MAST4: variants seen among roughly 807,000 people sequenced by gnomAD.
MAST4 encodes microtubule associated serine/threonine kinase family member 4, also known as microtubule-associated serine/threonine-protein kinase 4.
In MAST4, 89 loss-of-function variants were observed where a neutral mutation model predicts 162.7. That is an observed-to-expected ratio of 0.55 (90% CI 0.46 to 0.65). MAST4 has a LOEUF of 0.65. Among genes scored for constraint, MAST4 ranks in the 30% least tolerant of loss-of-function variants. MAST4 has a pLI of 0.00. For missense variants in MAST4, 3,153 were observed against 3,374.0 expected (o/e 0.93, Z 1.62); for synonymous variants, 1,479 against 1,361.1 (o/e 1.09, Z -1.91).
chr5:66,726,962 C>A (rs529872228), intron 1 of MAST4, among the ~76,000 whole-genome samples: 1 of 151,908 alleles, frequency 6.6e-6, no homozygotes, highest in Non-Finnish European at 1.5e-5. Flanking sequence ...TTTAAGGGGA[C>A]CCATACAATA....
At chr5:66,877,212 G>A (rs1164918765) in intron 3 of MAST4, among the ~76,000 whole-genome samples, 2 of 152,180 alleles carry the variant, frequency 1.3e-5, no homozygotes, top group Non-Finnish European at 2.9e-5. Context: ...TATGATATAA[G>A]GGAGGCTTAA....
At chr5:66,797,747 G>A (rs1755721422) in intron 3 of MAST4, among the ~76,000 whole-genome samples, 1 of 152,186 alleles carries the variant, frequency 6.6e-6, no homozygotes, top group African/African-American at 2.4e-5. Context: ...TGAACTGAAT[G>A]TTAAACGTTG....
chr5:67,118,436 C>T (rs1423827285), intron 12 of MAST4, among the ~76,000 whole-genome samples: 1 of 152,134 alleles, frequency 6.6e-6, no homozygotes, highest in Admixed American at 6.5e-5. Flanking sequence ...GTTCCTATGC[C>T]CAGCCTCTAA....
Position 67,145,276 on chromosome 5 carries a change from C to T in MAST4, c.2991C>T (p.Pro997=), listed in dbSNP as rs1193550196. The T allele has an allele frequency of 2.5e-6, 4 of 1,613,940 alleles. No individual in the cohort carries two copies. In the Admixed American group the frequency reaches 6.7e-5, roughly 27 times the overall value. Residue 997 remains proline (P), a synonymous_variant, in exon 23 of 29, where the codon CCC becomes CCT. Coordinates refer to ENST00000403625, the MANE Select transcript of MAST4 (RefSeq NM_001164664.2). ...QDEAASCPGD[P]HEEPGKPALP... ...AAGCTGCCTCCTGCCCTGGAGACCC[C>T]CATGAGGAGCCAGGAAAGCCAGCCC...
intron 1 of MAST4, among the ~76,000 whole-genome samples, chr5:66,751,019 C>T (rs1383563888): frequency 6.6e-6 from 1 of 152,070 alleles, no homozygotes; most frequent in Admixed American, 6.5e-5. Context: ...CTGGGAGGCA[C>T]CCCCCAGCAG....
At chr5:66,930,623 C>T (rs999192167) in intron 4 of MAST4, 1 of 434,750 alleles carries the variant, frequency 2.3e-6, no homozygotes, top group Non-Finnish European at 4.7e-6. Flanking sequence ...TTTTTTATGT[C>T]TCAAGGAATA....
intron 23 of MAST4, among the ~76,000 whole-genome samples, chr5:67,145,761 C>T (rs1771008830): frequency 1.3e-5 from 2 of 152,148 alleles, no homozygotes; most frequent in South Asian, 4.1e-4. Context: ...GTGTAAGAGC[C>T]AGTATCAAGT....
At chr5:66,648,069 TGTGTGTGTGTGTGTGAGAGAGA>T (rs1745970737) in intron 1 of MAST4, among the ~76,000 whole-genome samples, 1 of 90,658 alleles carries the variant, frequency 1.1e-5, no homozygotes. Context: ...TGTGTGTGTG[TGTGTGTGTGTGTGTGAGAGAGA>T]GAGAGAGAGA....
At chr5:67,135,282 C>T (rs1164666640) in intron 18 of MAST4, among the ~76,000 whole-genome samples, 2 of 152,112 alleles carry the variant, frequency 1.3e-5, no homozygotes, top group African/African-American at 4.8e-5. Flanking sequence ...ACTTTTAGAT[C>T]TTAACCTGCA....
At chr5:66,910,137 C>T (rs976488331) in intron 4 of MAST4, among the ~76,000 whole-genome samples, 2 of 152,202 alleles carry the variant, frequency 1.3e-5, no homozygotes, top group African/African-American at 4.8e-5. Context: ...GTAGACCTCA[C>T]AGAGTTTGCT....
At chr5:66,861,917 G>A (rs989488782) in intron 3 of MAST4, among the ~76,000 whole-genome samples, 2 of 152,198 alleles carry the variant, frequency 1.3e-5, no homozygotes, top group African/African-American at 4.8e-5. Flanking sequence ...TGATTGGTGT[G>A]TATGTGGGCT....
chr5:66,896,964 C>T (rs1643232123), intron 3 of MAST4, among the ~76,000 whole-genome samples: 1 of 152,090 alleles, frequency 6.6e-6, no homozygotes, highest in South Asian at 2.1e-4. Context: ...CAAATATTTG[C>T]TAGTTAACAC....
At chr5:66,647,163 A>G (rs541068978) in intron 1 of MAST4, among the ~76,000 whole-genome samples, 2 of 152,216 alleles carry the variant, frequency 1.3e-5, no homozygotes, top group East Asian at 3.9e-4. Flanking sequence ...CTGTGTCCCC[A>G]TTCTCTCCTA....
intron 3 of MAST4, among the ~76,000 whole-genome samples, chr5:66,892,933 A>C (rs935083363): frequency 6.6e-6 from 1 of 152,188 alleles, no homozygotes; most frequent in Non-Finnish European, 1.5e-5. Flanking sequence ...GTTTATGATA[A>C]AATCTTAATA....
intron 3 of MAST4, among the ~76,000 whole-genome samples, chr5:66,890,312 CTT>C (rs1762288398): frequency 6.6e-6 from 1 of 152,152 alleles, no homozygotes; most frequent in Admixed American, 6.5e-5. Context: ...AGCATGTAAA[CTT>C]TGACTTAGGA....
At chr5:66,993,925 C>CA (rs1750325524) in intron 4 of MAST4, among the ~76,000 whole-genome samples, 1 of 72,796 alleles carries the variant, frequency 1.4e-5, no homozygotes, top group African/African-American at 5.3e-5. Flanking sequence ...AGAAGACCCC[C>CA]CCCCCCACCC....
At chr5:67,160,694 G>A (rs751320008) in intron 27 of MAST4, 102 bp downstream of exon 27, 1 of 1,320,300 alleles carries the variant, frequency 7.6e-7, no homozygotes, top group East Asian at 2.4e-5. Flanking sequence ...CTATTTTTCT[G>A]TGAGAAATTT....
intron 1 of MAST4, among the ~76,000 whole-genome samples, chr5:66,641,924 G>A (rs754739346): frequency 9.2e-5 from 14 of 152,170 alleles, no homozygotes; most frequent in Non-Finnish European, 1.6e-4. Flanking sequence ...CTTTCCAGTC[G>A]GAATTGCACC....
chr5:67,078,831 T>TATATAA (rs1762067010), intron 5 of MAST4, among the ~76,000 whole-genome samples: 1 of 123,616 alleles, frequency 8.1e-6, no homozygotes, highest in Non-Finnish European at 1.6e-5. Context: ...TATTTATATT[T>TATATAA]ATATATTTAA....
Sources: gnomAD v4.1 joint callset for allele counts (sites outside exome capture counted in the v4.1 genomes callset) on GRCh38, gnomAD v4.1.1 for gene constraint, MANE v1.5 for transcripts, NCBI Gene and HGNC (gene_info 2026-07-23, HGNC 2026-07-21) for gene names.